Variants in RTTN observed in about 807,000 individuals in gnomAD.
The protein encoded by RTTN is rotatin.
In RTTN, 182 loss-of-function variants were observed where a neutral mutation model predicts 269.2. The observed-to-expected ratio is 0.68, with a 90% CI of 0.60 to 0.76. RTTN has a LOEUF of 0.76. Ranked by LOEUF, RTTN falls within the 30% of genes least tolerant of loss-of-function variation. RTTN has a pLI of 0.00. For missense variants in RTTN, 2,545 were observed against 2,608.6 expected (o/e 0.98, Z 0.53); for synonymous variants, 1,006 against 963.5 (o/e 1.04, Z -0.82).
At chr18:70,097,475 T>C (rs2059032729) in intron 28 of RTTN, among the ~76,000 whole-genome samples, 1 of 152,218 alleles carries the variant, frequency 6.6e-6, no homozygotes, top group Non-Finnish European at 1.5e-5. Flanking sequence ...AGTCCCAAGA[T>C]TAAATGTTAC....
chr18:70,093,907 T>C (rs191535260), intron 28 of RTTN, among the ~76,000 whole-genome samples: 1 of 152,350 alleles, frequency 6.6e-6, no homozygotes, highest in East Asian at 1.9e-4. Context: ...CTAGTAGAAT[T>C]CGGCTATGAA....
intron 28 of RTTN, among the ~76,000 whole-genome samples, chr18:70,094,534 G>A (rs1042389511): frequency 5.9e-5 from 9 of 152,078 alleles, no homozygotes; most frequent in Non-Finnish European, 8.8e-5. Context: ...CCTTAATTGT[G>A]TTATTTACCC....
chr18:70,043,770 C>T (rs1308374658), intron 40 of RTTN, among the ~76,000 whole-genome samples: 2 of 152,188 alleles, frequency 1.3e-5, no homozygotes, highest in Non-Finnish European at 1.5e-5. Flanking sequence ...AATTCATATA[C>T]TTTCCAACAT....
chr18:70,042,366 C>CTTTTT lies in RTTN; in HGVS notation c.5541+5600_5541+5604dup, dbSNP rs1017125527. The stretch of plus-strand genomic sequence containing the variant: ...GGAATTCTAAGGGCTTTGGAATTTT[C>CTTTTT]TTTTTTTTTTTTTTTTTTTTTTTTT... On this transcript the variant is annotated intron_variant, in intron 40 of 48. Coordinates refer to ENST00000640769, the MANE Select transcript of RTTN (RefSeq NM_173630.4). Among the ~76,000 whole-genome samples, 36 of 78,072 alleles carry CTTTTT rather than the reference C, an allele frequency of 4.6e-4. 5 individuals are homozygous for CTTTTT. The highest frequency in any genetic ancestry group is 1.4e-3 in the African/African-American group (29 of 20,502). 51.2% of individuals were successfully genotyped at this position (78,072 alleles called of 152,430 possible). A position where few individuals can be genotyped will look rare whatever the true frequency, so the allele number is the denominator to read the frequency against.
At chr18:70,201,072 A>AGG (rs888687967) in intron 4 of RTTN, among the ~76,000 whole-genome samples, 2 of 152,252 alleles carry the variant, frequency 1.3e-5, no homozygotes, top group African/African-American at 4.8e-5. Flanking sequence ...GTCTCTGATG[A>AGG]GGTGGCATGT....
chr18:70,162,150 C>A (rs1364993038), intron 14 of RTTN, among the ~76,000 whole-genome samples: 1 of 152,130 alleles, frequency 6.6e-6, no homozygotes, highest in Non-Finnish European at 1.5e-5. Context: ...AACTATGGTA[C>A]ATATACATCA....
chr18:70,122,360 C>T (rs1211128152), intron 25 of RTTN, among the ~76,000 whole-genome samples: 2 of 151,864 alleles, frequency 1.3e-5, no homozygotes, highest in African/African-American at 4.8e-5. Context: ...AAAAAGCAAT[C>T]AGCAAGAGAT....
At chr18:70,180,724 T>C (rs1286260876) in intron 10 of RTTN, among the ~76,000 whole-genome samples, 1 of 152,142 alleles carries the variant, frequency 6.6e-6, no homozygotes, top group African/African-American at 2.4e-5. Context: ...AAACTGTGCC[T>C]CAGTTATGGA....
At chr18:70,153,648 G>A in intron 14 of RTTN, among the ~76,000 whole-genome samples, 1 of 152,164 alleles carries the variant, frequency 6.6e-6, no homozygotes, top group East Asian at 1.9e-4. Context: ...ATTTAGGTAG[G>A]TAAAGCTGCA....
At position 70,176,843 on chromosome 18, in the gene RTTN, C is replaced by T; in HGVS notation, c.1308G>A (p.Lys436=). The T allele has an allele frequency of 1.1e-5, 17 of 1,612,326 alleles. No homozygotes were observed. The highest frequency in any genetic ancestry group is 1.4e-5 in the Non-Finnish European group (16 of 1,179,112). Residue 436 remains lysine (K), a splice_region_variant and synonymous_variant, in exon 11 of 49, where the codon AAG becomes AAA. Transcript: ENST00000640769. ...DDSSLFGIDM[K]EKLLLVLGAL... ...CTCCCAACACCAGGAGTAGTTTCTC[C>T]TTCTGAAAACATTTACACAACATGA...
chr18:70,178,215 C>G (rs2061347453), intron 10 of RTTN, among the ~76,000 whole-genome samples: 1 of 151,950 alleles, frequency 6.6e-6, no homozygotes, highest in Admixed American at 6.6e-5. Context: ...GGCGACAGAG[C>G]AAGACTCTGT....
chr18:70,059,787 T>C (rs946370761), intron 36 of RTTN, 63 bp downstream of exon 36: 11 of 1,098,596 alleles, frequency 1.0e-5, no homozygotes, highest in Middle Eastern at 2.2e-4. Context: ...TATCAAGTCA[T>C]GAATACAGTT....
Position 70,048,041 on chromosome 18 carries a change from A to G in RTTN, c.5471T>C (p.Val1824Ala). 6.2e-7 allele frequency: 1 copy of G among 1,614,170 alleles called. No homozygotes were observed. The highest frequency in any genetic ancestry group is 1.1e-5 in the South Asian group (1 of 91,084). The change falls in exon 40 of 49, where the codon GTG (valine) becomes GCG (alanine). Residue 1824 changes from valine (V) to alanine (A), a missense_variant. By Grantham distance (64) the Val-to-Ala change is moderately conservative (BLOSUM62 0). Coordinates refer to ENST00000640769, the MANE Select transcript of RTTN (RefSeq NM_173630.4). ...SKTHLCCSPT[V>A]ASLLDDSQEN... ...CTGAGAGTCATCAAGAAGTGAAGCCACTGTTGGACTACAGCATAAATGTGT... is the reference window on the plus strand; with the variant it reads ...CTGAGAGTCATCAAGAAGTGAAGCCGCTGTTGGACTACAGCATAAATGTGT...
chr18:70,081,120 C>T (rs550626758), intron 32 of RTTN, among the ~76,000 whole-genome samples: 7 of 152,138 alleles, frequency 4.6e-5, no homozygotes, highest in Non-Finnish European at 1.0e-4. Context: ...GGGAGCTATG[C>T]TATGAGGATG....
intron 28 of RTTN, among the ~76,000 whole-genome samples, chr18:70,098,623 T>C (rs1054574751): frequency 1.6e-4 from 24 of 152,168 alleles, no homozygotes; most frequent in Non-Finnish European, 3.2e-4. Flanking sequence ...TTTTAATATT[T>C]ATAATTAAAA....
chr18:70,193,198 G>T, intron 8 of RTTN, 90 bp downstream of exon 8: 3 of 1,078,360 alleles, frequency 2.8e-6, no homozygotes, highest in Non-Finnish European at 3.8e-6. Flanking sequence ...AAAAAAAAAG[G>T]ACAGAAAAAT....
At chr18:70,086,778 A>G (rs1375961645) in intron 31 of RTTN, 94 bp from the exon 32 acceptor site, 1 of 1,128,936 alleles carries the variant, frequency 8.9e-7, no homozygotes, top group East Asian at 2.4e-5. Flanking sequence ...TAACCAATAT[A>G]TTGTAATTAA....
chr18:70,122,061 T>C (rs1297773928), intron 25 of RTTN, among the ~76,000 whole-genome samples: 3 of 152,038 alleles, frequency 2.0e-5, no homozygotes, highest in Non-Finnish European at 4.4e-5. Context: ...GTTTCACTGA[T>C]GAGAAGAATT....
intron 32 of RTTN, among the ~76,000 whole-genome samples, chr18:70,086,275 T>C (rs2058695598): frequency 1.3e-5 from 2 of 152,166 alleles, no homozygotes; most frequent in Admixed American, 6.6e-5. Context: ...CTATTTAAAC[T>C]CTCTATGCAA....
Sources: allele counts gnomAD v4.1 joint callset (sites outside exome capture counted in the v4.1 genomes callset), GRCh38; gene constraint gnomAD v4.1.1; transcripts MANE v1.5; gene names NCBI Gene and HGNC (gene_info 2026-07-23, HGNC 2026-07-21).